Variants in RALGAPA2 observed in about 807,000 individuals in gnomAD.
The protein encoded by RALGAPA2 is ral GTPase-activating protein subunit alpha-2.
A neutral mutation model predicts 230.4 loss-of-function variants in RALGAPA2; 139 were observed. The observed-to-expected ratio is 0.60, with a 90% confidence interval of 0.53 to 0.69. The LOEUF (loss-of-function observed/expected upper bound fraction) is 0.69, where lower values mean the gene tolerates loss of function less well. RALGAPA2 is among the 30% of genes least tolerant of loss of function. The pLI is 0.00. For synonymous variants in RALGAPA2, 847 were observed against 837.8 expected (o/e 1.01, Z -0.19); for missense variants, 2,163 against 2,276.0 (o/e 0.95, Z 1.01).
chr20:20,473,092 G>A, intron 36 of RALGAPA2, 136 bp from the exon 37 acceptor site: 1 of 904,772 alleles, frequency 1.1e-6, no homozygotes. Context: ...GACCTTAACA[G>A]GACACAGGTC....
chr20:20,410,144 G>A (rs1352228795), intron 38 of RALGAPA2, among the ~76,000 whole-genome samples: 2 of 152,102 alleles, frequency 1.3e-5, no homozygotes, highest in African/African-American at 4.8e-5. Context: ...AAAATATGAC[G>A]TTCTTGAAGA....
chr20:20,599,679 C>T (rs976865456), intron 16 of RALGAPA2, among the ~76,000 whole-genome samples: 3 of 152,172 alleles, frequency 2.0e-5, no homozygotes, highest in African/African-American at 4.8e-5. Flanking sequence ...TTCTCCTACC[C>T]TTTGCCTATT....
intron 5 of RALGAPA2, among the ~76,000 whole-genome samples, chr20:20,642,139 G>T (rs1438986577): frequency 1.2e-4 from 3 of 24,706 alleles, no homozygotes; most frequent in Non-Finnish European, 2.3e-4. Flanking sequence ...GAGGGGAGGG[G>T]AGAGAAGGGG....
chr20:20,435,152 C>G (rs916713534), intron 37 of RALGAPA2, among the ~76,000 whole-genome samples: 1 of 152,222 alleles, frequency 6.6e-6, no homozygotes, highest in African/African-American at 2.4e-5. Flanking sequence ...TACTGCAGAC[C>G]CTTTTCCTCA....
chr20:20,536,579 A>T (rs1195600092), intron 25 of RALGAPA2, 77 bp downstream of exon 25: 1 of 1,485,298 alleles, frequency 6.7e-7, no homozygotes, highest in African/African-American at 1.4e-5. Context: ...ATTAATATAC[A>T]CTAATGGAAG....
At chr20:20,507,308 TA>T (rs2062563027) in intron 33 of RALGAPA2, among the ~76,000 whole-genome samples, 1 of 152,230 alleles carries the variant, frequency 6.6e-6, no homozygotes, top group Non-Finnish European at 1.5e-5. Context: ...TTATCTTTAA[TA>T]CATCCTTAAA....
chr20:20,407,316 G>A (rs2059967094), intron 38 of RALGAPA2, among the ~76,000 whole-genome samples: 1 of 152,214 alleles, frequency 6.6e-6, no homozygotes, highest in Non-Finnish European at 1.5e-5. Context: ...ATATGAATGT[G>A]ATGAGTCTGT....
chr20:20,474,781 CTGGGTATCCAGTGATGATGTAT>C (rs1279172378), intron 36 of RALGAPA2, among the ~76,000 whole-genome samples: 1 of 152,158 alleles, frequency 6.6e-6, no homozygotes, highest in Non-Finnish European at 1.5e-5. Flanking sequence ...GAGATGCCTA[CTGGGTATCCAGTGATGATGTAT>C]TGGGCAGGAG....
chr20:20,484,947 T>C (rs918443435), intron 36 of RALGAPA2, among the ~76,000 whole-genome samples: 3 of 152,188 alleles, frequency 2.0e-5, no homozygotes, highest in African/African-American at 7.2e-5. Context: ...TGCTGTAGCT[T>C]AAGCTTGTGC....
intron 23 of RALGAPA2, among the ~76,000 whole-genome samples, chr20:20,566,699 T>G (rs1173272619): frequency 6.6e-6 from 1 of 152,202 alleles, no homozygotes; most frequent in African/African-American, 2.4e-5. Flanking sequence ...ATTATTATCC[T>G]CATTCGATAG....
intron 27 of RALGAPA2, among the ~76,000 whole-genome samples, chr20:20,529,529 CCA>C (rs1179753988): frequency 6.6e-6 from 1 of 152,210 alleles, no homozygotes; most frequent in Non-Finnish European, 1.5e-5. Flanking sequence ...TTGGTAAGCA[CCA>C]CATATACAAC....
intron 1 of RALGAPA2, 44 bp from the exon 2 acceptor site, chr20:20,680,845 A>G: frequency 6.6e-7 from 1 of 1,517,536 alleles, no homozygotes; most frequent in Non-Finnish European, 8.8e-7. Context: ...ACTTTATAAA[A>G]TCACAAGAAT....
intron 19 of RALGAPA2, 98 bp downstream of exon 19, chr20:20,584,767 T>C: frequency 1.0e-6 from 1 of 971,026 alleles, no homozygotes; most frequent in East Asian, 2.8e-5. Flanking sequence ...GGCGAAAGAG[T>C]GAGACTGAGT....
chr20:20,584,806 A>C (rs1325284245), intron 19 of RALGAPA2, 59 bp downstream of exon 19: 18 of 1,284,756 alleles, frequency 1.4e-5, no homozygotes, highest in Non-Finnish European at 2.0e-5. Context: ...TAAAATGTAA[A>C]AAGAAAATAG....
chr20:20,547,305 G>C (rs2063799517), intron 23 of RALGAPA2, among the ~76,000 whole-genome samples: 1 of 152,214 alleles, frequency 6.6e-6, no homozygotes, highest in South Asian at 2.1e-4. Flanking sequence ...TTCAGAAATG[G>C]GAATATGCAG....
At chr20:20,455,350 G>A (rs2061088791) in intron 37 of RALGAPA2, among the ~76,000 whole-genome samples, 2 of 152,352 alleles carry the variant, frequency 1.3e-5, no homozygotes, top group East Asian at 3.9e-4. Flanking sequence ...ATGCAGAGTG[G>A]CACTCCTTCA....
intron 32 of RALGAPA2, among the ~76,000 whole-genome samples, 191 bp downstream of exon 32, chr20:20,512,322 C>T (rs1028041911): frequency 6.6e-6 from 1 of 151,930 alleles, no homozygotes; most frequent in Non-Finnish European, 1.5e-5. Flanking sequence ...AATCTGCACA[C>T]CAGTACAGCA....
chr20:20,456,838 C>CT (rs369361752), intron 37 of RALGAPA2, among the ~76,000 whole-genome samples: 278 of 147,010 alleles, frequency 1.9e-3, no homozygotes, highest in African/African-American at 3.9e-3. Context: ...TATAAAGTTC[C>CT]TTTTTTTTTT....
chr20:20,523,529 G>C (rs570338696), intron 30 of RALGAPA2, among the ~76,000 whole-genome samples: 5 of 152,180 alleles, frequency 3.3e-5, no homozygotes, highest in East Asian at 3.9e-4. Context: ...AGATTAGTAG[G>C]GTGGCTGTAG....
Sources: gnomAD v4.1 joint callset for allele counts (sites outside exome capture counted in the v4.1 genomes callset) on GRCh38, gnomAD v4.1.1 for gene constraint, MANE v1.5 for transcripts, NCBI Gene and HGNC (gene_info 2026-07-23, HGNC 2026-07-21) for gene names.